TG: variants seen among roughly 807,000 people sequenced by gnomAD.
TG encodes thyroglobulin, also known as thyroid hormones.
Under a neutral mutation model 324.7 loss-of-function variants are expected in TG, and 270 were observed. That is an observed-to-expected ratio of 0.83 (90% CI 0.75 to 0.92). TG has a LOEUF of 0.92. TG is among the 40% of genes least tolerant of loss of function. The probability of loss-of-function intolerance (pLI) is 0.00; values close to 1 mark genes in which losing one functional copy is unlikely to be tolerated. For missense variants in TG, 3,591 were observed against 3,456.4 expected (o/e 1.04, Z -0.98); for synonymous variants, 1,401 against 1,327.0 (o/e 1.06, Z -1.21).
chr8:132,957,368 G>A (rs1233026137), intron 27 of TG, among the ~76,000 whole-genome samples: 1 of 152,188 alleles, frequency 6.6e-6, no homozygotes, highest in Non-Finnish European at 1.5e-5. Context: ...GTTGCCTTGA[G>A]ATGGACAGAG....
At chr8:132,922,290 C>T (rs1237815598) in intron 21 of TG, among the ~76,000 whole-genome samples, 1 of 152,228 alleles carries the variant, frequency 6.6e-6, no homozygotes, top group Non-Finnish European at 1.5e-5. Context: ...ACAGCTTGAA[C>T]ATGGATATAG....
At chr8:133,095,243 C>T in intron 42 of TG, 35 bp downstream of exon 42, 1 of 1,614,060 alleles carries the variant, frequency 6.2e-7, no homozygotes, top group East Asian at 2.2e-5. Flanking sequence ...AAGGGACATT[C>T]TCTGGTCTTT....
chr8:132,983,410 A>C lies in TG; in HGVS notation c.6260A>C (p.Lys2087Thr). The change falls in exon 35 of 48, where the codon AAA becomes ACA. Residue 2087 changes from lysine (K) to threonine (T), a missense_variant and splice_region_variant. Lys to Thr is a moderately conservative substitution (Grantham distance 78, BLOSUM62 -1). Transcript: ENST00000220616. ...PLVVLPSLTE[K>T]VSLDSWQSLA... ...GTTGTTCTGCCTTCCCTCACAGAGAAAGGTAAGTTCATTGTCTTTTTATCT... is the reference window on the plus strand; with the variant it reads ...GTTGTTCTGCCTTCCCTCACAGAGACAGGTAAGTTCATTGTCTTTTTATCT... 6.2e-7 allele frequency: 1 copy of C among 1,613,822 alleles called. No individual in the cohort carries two copies. Among genetic ancestry groups the C allele is most frequent in the Non-Finnish European group, 8.5e-7 (1 of 1,179,720 alleles).
At chr8:133,102,592 C>A in intron 43 of TG, 1 of 1,550,808 alleles carries the variant, frequency 6.4e-7, no homozygotes, top group Non-Finnish European at 8.7e-7. Flanking sequence ...TCTCCATTCG[C>A]AGCAAATGAT....
chr8:133,028,726 T>C (rs1836341211), intron 40 of TG, among the ~76,000 whole-genome samples: 1 of 152,224 alleles, frequency 6.6e-6, no homozygotes, highest in Admixed American at 6.5e-5. Flanking sequence ...TGCAGCCGGC[T>C]GGTCTGCCTC....
intron 41 of TG, among the ~76,000 whole-genome samples, chr8:133,036,550 C>A (rs926194792): frequency 2.6e-5 from 4 of 152,134 alleles, no homozygotes; most frequent in African/African-American, 7.2e-5. Context: ...CAGAGTCATA[C>A]AATCTGCTTT....
chr8:133,092,646 G>A (rs757651504), intron 41 of TG, among the ~76,000 whole-genome samples: 3 of 152,134 alleles, frequency 2.0e-5, no homozygotes, highest in Non-Finnish European at 4.4e-5. Context: ...ATGGTCACTT[G>A]CCCAAGCCCA....
At chr8:133,090,537 C>T (rs1847330414) in intron 41 of TG, among the ~76,000 whole-genome samples, 1 of 152,214 alleles carries the variant, frequency 6.6e-6, no homozygotes, top group Non-Finnish European at 1.5e-5. Flanking sequence ...TCAGACAGCG[C>T]AAGGGACTTG....
chr8:133,126,853 C>T (rs1318308673), intron 45 of TG, among the ~76,000 whole-genome samples: 4 of 151,992 alleles, frequency 2.6e-5, no homozygotes, highest in African/African-American at 9.7e-5. Context: ...GACTTTCATT[C>T]CTCCCCGTTC....
chr8:133,027,850 C>G (rs1836249661), intron 40 of TG, among the ~76,000 whole-genome samples: 1 of 152,198 alleles, frequency 6.6e-6, no homozygotes, highest in African/African-American at 2.4e-5. Flanking sequence ...AGTTTCTTCA[C>G]CAGTAAAGGA....
chr8:133,015,300 C>G (rs887436577), intron 37 of TG, among the ~76,000 whole-genome samples: 1 of 152,198 alleles, frequency 6.6e-6, no homozygotes, highest in African/African-American at 2.4e-5. Context: ...GGGAAATGCT[C>G]ACTTCCAAAA....
intron 21 of TG, among the ~76,000 whole-genome samples, chr8:132,922,637 A>G (rs946117668): frequency 6.6e-6 from 1 of 152,240 alleles, no homozygotes; most frequent in African/African-American, 2.4e-5. Context: ...GTGGCTTATA[A>G]ACAGCAGAAA....
intron 32 of TG, 93 bp from the exon 33 acceptor site, chr8:132,971,701 C>T (rs942424419): frequency 1.1e-6 from 1 of 876,202 alleles, no homozygotes; most frequent in Non-Finnish European, 1.9e-6. Context: ...TAAGCTAGTT[C>T]CCCAAAGCAA....
In TG at chr8:132,868,154, T is replaced by C; in HGVS notation, c.107T>C (p.Leu36Pro). Residue 36 changes from leucine to proline, a missense_variant, in exon 2 of 48, where the codon CTG becomes CCG. By Grantham distance (98) the Leu-to-Pro change is moderately conservative. Transcript: ENST00000220616. ...GCCCAGCCCCTTCGTCCCTGTGAGCTGCAGAGGGAAACGGCCTTTCTGAAG... is the reference window on the plus strand; with the variant it reads ...GCCCAGCCCCTTCGTCCCTGTGAGCCGCAGAGGGAAACGGCCTTTCTGAAG... ...VDAQPLRPCE[L>P]QRETAFLKQA... is the part of the protein sequence containing the mutation. 1 of 1,614,174 alleles carries C rather than the reference T, an allele frequency of 6.2e-7. No individual in the cohort carries two copies. The highest frequency in any genetic ancestry group is 8.5e-7 in the Non-Finnish European group (1 of 1,180,018).
At chr8:132,909,533 G>T (rs1819207727) in intron 18 of TG, among the ~76,000 whole-genome samples, 1 of 152,194 alleles carries the variant, frequency 6.6e-6, no homozygotes, top group African/African-American at 2.4e-5. Flanking sequence ...TAAACAAGGT[G>T]TCAGGGTATG....
intron 41 of TG, among the ~76,000 whole-genome samples, chr8:133,035,576 T>G (rs1837028040): frequency 6.6e-6 from 1 of 152,256 alleles, no homozygotes; most frequent in Non-Finnish European, 1.5e-5. Flanking sequence ...ACTTATCTAT[T>G]TGTCCCTGTT....
rs770756324 is a variant in TG, at chr8:133,096,311, G to A, written c.7510G>A (p.Val2504Ile). The A allele has an allele frequency of 8.1e-6, 13 of 1,614,188 alleles. No homozygotes were observed. The East Asian group carries it at 2.9e-4, about 36-fold the overall frequency. Residue 2504 changes from valine (V) to isoleucine (I), a missense_variant, in exon 43 of 48, where the codon GTC (valine) becomes ATC (isoleucine). Coordinates refer to ENST00000220616, the MANE Select transcript of TG (RefSeq NM_003235.5). ...ACTGAAGAGGTCTTTATGGGTAGAG[G>A]TCGATCTGCTCATTGGGAGTTCTCA... ...RALKRSLWVEVDLLIGSSQDD... is the reference protein window; with the variant it reads ...RALKRSLWVEIDLLIGSSQDD...
intron 41 of TG, among the ~76,000 whole-genome samples, chr8:133,055,213 C>T (rs1841153879): frequency 6.6e-6 from 1 of 152,084 alleles, no homozygotes; most frequent in Non-Finnish European, 1.5e-5. Context: ...ATAAGCAGCT[C>T]AGGGCAACTG....
intron 35 of TG, among the ~76,000 whole-genome samples, chr8:132,996,462 A>T (rs1428634959): frequency 3.3e-5 from 5 of 152,228 alleles, no homozygotes; most frequent in Admixed American, 6.5e-5. Context: ...TGAAAAAAAT[A>T]GTACTATTGC....
Sources: gnomAD v4.1 joint callset for allele counts (sites outside exome capture counted in the v4.1 genomes callset) on GRCh38, gnomAD v4.1.1 for gene constraint, MANE v1.5 for transcripts, NCBI Gene and HGNC (gene_info 2026-07-23, HGNC 2026-07-21) for gene names.